ZNF354B: variants seen among roughly 807,000 people sequenced by gnomAD.
ZNF354B encodes zinc finger protein 354B.
Under a neutral mutation model 12.9 loss-of-function variants are expected in ZNF354B, and 10 were observed. The ratio of observed to expected loss-of-function variants is 0.77; its 90% confidence interval spans 0.48 to 1.31. The LOEUF is 1.31. Ranked by LOEUF, ZNF354B falls within the 40% of genes most tolerant of loss-of-function variation. ZNF354B has a pLI of 0.00. For missense variants in ZNF354B, 614 were observed against 711.7 expected (o/e 0.86, Z 1.56); for synonymous variants, 260 against 243.7 (o/e 1.07, Z -0.62).
chr5:178,862,827 T>A (rs1757382895), intron 2 of ZNF354B, among the ~76,000 whole-genome samples: 1 of 152,178 alleles, frequency 6.6e-6, no homozygotes, highest in Non-Finnish European at 1.5e-5. Flanking sequence ...TCCATCCCTG[T>A]GTGTGGGTGA....
intron 4 of ZNF354B, among the ~76,000 whole-genome samples, chr5:178,875,586 A>G (rs1581813988): frequency 6.6e-6 from 1 of 152,052 alleles, no homozygotes; most frequent in African/African-American, 2.4e-5. Flanking sequence ...TGACAGAGGG[A>G]CTTTCGGTTG....
chr5:178,883,132 C>A lies in ZNF354B; in HGVS notation c.680C>A (p.Ser227Ter). The A allele has an allele frequency of 6.2e-7, 1 of 1,612,566 alleles. No homozygotes were observed. Among genetic ancestry groups the A allele is most frequent in the South Asian group, 1.1e-5 (1 of 90,458 alleles). The change falls in exon 5 of 5, where the codon TCA becomes TAA. Residue 227 changes from serine to a stop codon, truncating the protein, a stop_gained. Coordinates refer to ENST00000322434, the MANE Select transcript of ZNF354B (RefSeq NM_058230.3). LOFTEE classifies it low-confidence loss of function (END_TRUNC). ...STCEKAFIHN[S>*]SLRKHQKNHT... ...TGTGAAAAAGCCTTCATTCACAATT[C>A]ATCCCTTCGTAAACATCAGAAAAAC...
In ZNF354B at chr5:178,861,207, T is replaced by C. The variant is rs1053025086; in HGVS notation, c.33+127T>C. On this transcript the variant is annotated intron_variant, in intron 2 of 4. Transcript: ENST00000322434. Reference sequence around the variant, plus strand: ...TTCTCTTGGAGGAGCTGGTCCGCCCTCATGACTGGTGGATTCTGTAGGGAG... The same window carrying C: ...TTCTCTTGGAGGAGCTGGTCCGCCCCCATGACTGGTGGATTCTGTAGGGAG... 78 of 1,132,242 alleles carry C rather than the reference T, an allele frequency of 6.9e-5. 1 individual carries two copies. The highest frequency in any genetic ancestry group is 9.7e-5 in the Non-Finnish European group (74 of 763,998). 70.1% of individuals were successfully genotyped at this position (1,132,242 alleles called of 1,614,324 possible).
At chr5:178,861,406 C>G (rs1757346178) in intron 2 of ZNF354B, among the ~76,000 whole-genome samples, 1 of 152,226 alleles carries the variant, frequency 6.6e-6, no homozygotes, top group Non-Finnish European at 1.5e-5. Context: ...CCCATGTCTC[C>G]GTTCCTGTCC....
intron 4 of ZNF354B, among the ~76,000 whole-genome samples, chr5:178,877,658 C>G (rs1276825174): frequency 6.6e-6 from 1 of 152,206 alleles, no homozygotes; most frequent in African/African-American, 2.4e-5. Flanking sequence ...CCCAGATCCC[C>G]ATTATTTGGA....
intron 2 of ZNF354B, among the ~76,000 whole-genome samples, chr5:178,861,912 T>C (rs1757354369): frequency 6.6e-6 from 1 of 152,198 alleles, no homozygotes; most frequent in Non-Finnish European, 1.5e-5. Context: ...AGTTAGTGTG[T>C]GGAAAGTGTT....
At chr5:178,881,477 A>C (rs1757717295) in intron 4 of ZNF354B, among the ~76,000 whole-genome samples, 1 of 152,146 alleles carries the variant, frequency 6.6e-6, no homozygotes, top group African/African-American at 2.4e-5. Flanking sequence ...ATTTGTTCAG[A>C]TATACTTTAA....
intron 2 of ZNF354B, among the ~76,000 whole-genome samples, chr5:178,863,502 C>T (rs746806158): frequency 3.3e-5 from 5 of 152,148 alleles, no homozygotes; most frequent in Non-Finnish European, 7.3e-5. Flanking sequence ...ACAGACCTAC[C>T]ATGCAGCCTG....
At chr5:178,866,497 T>G in intron 3 of ZNF354B, 127 bp downstream of exon 3, 2 of 1,382,178 alleles carry the variant, frequency 1.4e-6, no homozygotes, top group Non-Finnish European at 2.0e-6. Context: ...AAATCAGATC[T>G]CTGTAAATAA....
chr5:178,879,570 G>C (rs1035429567), intron 4 of ZNF354B, among the ~76,000 whole-genome samples: 2 of 151,718 alleles, frequency 1.3e-5, no homozygotes, highest in African/African-American at 4.8e-5. Flanking sequence ...GAAGAGAGGG[G>C]GTTTCACCAT....
chr5:178,863,170 G>A (rs1171747220), intron 2 of ZNF354B, among the ~76,000 whole-genome samples: 1 of 152,088 alleles, frequency 6.6e-6, no homozygotes, highest in Non-Finnish European at 1.5e-5. Context: ...ATAATTTGAT[G>A]CTCTTTTTCA....
intron 4 of ZNF354B, among the ~76,000 whole-genome samples, chr5:178,871,806 A>G (rs990285991): frequency 6.6e-6 from 1 of 152,154 alleles, no homozygotes; most frequent in Non-Finnish European, 1.5e-5. Context: ...TTGTTCTGGG[A>G]TGGCCGGTGT....
At chr5:178,880,983 C>T (rs1010877645) in intron 4 of ZNF354B, among the ~76,000 whole-genome samples, 1 of 151,900 alleles carries the variant, frequency 6.6e-6, no homozygotes, top group Admixed American at 6.6e-5. Context: ...ACTAGCATTA[C>T]AGGCGCCCGC....
Position 178,883,891 on chromosome 5 carries a change from C to T in ZNF354B, c.1439C>T (p.Ala480Val). ...GGAAAAGCCTTCAGACAGAGTTCCG[C>T]TCTCATTCAACATCAGAGAATGCAT... ...VCGKAFRQSS[A>V]LIQHQRMHTG... is the part of the protein sequence containing the mutation. Residue 480 changes from alanine (A) to valine (V), a missense_variant, in exon 5 of 5, where the codon GCT becomes GTT. By Grantham distance (64) the Ala-to-Val change is moderately conservative. Transcript: ENST00000322434. The T allele has an allele frequency of 6.2e-7, 1 of 1,614,094 alleles. No homozygotes were observed. The highest frequency in any genetic ancestry group is 8.5e-7 in the Non-Finnish European group (1 of 1,179,998).
chr5:178,884,438 A>T lies in ZNF354B; in HGVS notation c.*147A>T. On this transcript the variant is annotated 3_prime_UTR_variant, in exon 5 of 5. Coordinates refer to ENST00000322434, the MANE Select transcript of ZNF354B (RefSeq NM_058230.3). ...GTAATAACTTATGGGAAAAGCTTTT[A>T]TACTTGTCACTCACTTTTTAAAATA... The T allele has an allele frequency of 2.4e-6, 2 of 831,934 alleles. No homozygotes were observed. The highest frequency in any genetic ancestry group is 5.6e-5 in the East Asian group (2 of 35,506). 51.5% of individuals were successfully genotyped at this position (831,934 alleles called of 1,614,324 possible). A position where few individuals can be genotyped will look rare whatever the true frequency, so the allele number is the denominator to read the frequency against.
intron 2 of ZNF354B, 82 bp from the exon 3 acceptor site, chr5:178,866,162 C>T (rs149734605): frequency 6.4e-4 from 991 of 1,558,910 alleles, no homozygotes; most frequent in African/African-American, 2.2e-3. Flanking sequence ...AAGTGTTTCA[C>T]GGGTAGCGTG....
At chr5:178,875,881 C>T (rs971918320) in intron 4 of ZNF354B, among the ~76,000 whole-genome samples, 1 of 152,148 alleles carries the variant, frequency 6.6e-6, no homozygotes, top group African/African-American at 2.4e-5. Context: ...TCTGGGAGTC[C>T]TTCCTCAGGG....
chr5:178,881,366 C>T (rs1311767385), intron 4 of ZNF354B, among the ~76,000 whole-genome samples: 1 of 152,100 alleles, frequency 6.6e-6, no homozygotes, highest in African/African-American at 2.4e-5. Context: ...AAAAAATCAG[C>T]CCAAAATGTC....
chr5:178,881,328 C>G (rs971797879), intron 4 of ZNF354B, among the ~76,000 whole-genome samples: 2 of 151,620 alleles, frequency 1.3e-5, no homozygotes, highest in Non-Finnish European at 2.9e-5. Context: ...CCACAATGCA[C>G]AGGGCAGCCC....
Sources: gnomAD v4.1 joint callset for allele counts (sites outside exome capture counted in the v4.1 genomes callset) on GRCh38, gnomAD v4.1.1 for gene constraint, MANE v1.5 for transcripts, NCBI Gene and HGNC (gene_info 2026-07-23, HGNC 2026-07-21) for gene names.